The following ZNF510 variants were observed in gnomAD, a reference collection of about 807,000 sequenced individuals.
The protein encoded by ZNF510 is zinc finger protein 510.
ZNF510 carries 15 observed loss-of-function variants against 18.1 expected under a neutral mutation model. The ratio of observed to expected loss-of-function variants is 0.83; its 90% CI spans 0.55 to 1.28. The LOEUF is 1.28. ZNF510 is among the 50% of genes most tolerant of loss of function. The probability of loss-of-function intolerance (pLI) is 0.00; values close to 1 mark genes in which losing one functional copy is unlikely to be tolerated. For synonymous variants in ZNF510, 261 were observed against 266.4 expected, an observed-to-expected ratio of 0.98 and a Z score of 0.20; for missense variants, 724 against 791.8, an observed-to-expected ratio of 0.91 and a Z score of 1.03.
chr9:96,766,475 T>C (rs543200541), intron 3 of ZNF510, among the ~76,000 whole-genome samples: 2 of 152,210 alleles, frequency 1.3e-5, no homozygotes, highest in African/African-American at 4.8e-5. Context: ...GCTGCAGAGT[T>C]TGGTAGATGC....
intron 2 of ZNF510, among the ~76,000 whole-genome samples, 177 bp from the exon 3 acceptor site, chr9:96,775,023 T>C (rs77050325): frequency 6.6e-6 from 1 of 151,772 alleles, no homozygotes. Context: ...ATCTTTAATA[T>C]GATCATGTGG....
intron 3 of ZNF510, among the ~76,000 whole-genome samples, chr9:96,765,283 T>C (rs1245513909): frequency 2.0e-5 from 3 of 152,210 alleles, no homozygotes; most frequent in African/African-American, 2.4e-5. Context: ...ATTCACACAC[T>C]AAAATTATTT....
At position 96,759,202 on chromosome 9, in the gene ZNF510, G is replaced by C. The variant is rs141487263; in HGVS notation, c.1628C>G (p.Thr543Ser). 5.7e-5 allele frequency: 92 copies of C among 1,614,028 alleles called. 1 individual carries two copies. The African/African-American group carries it at 1.0e-3, about 18-fold the overall frequency. ...IHQRTHTGEKTYQCNECEKSF... is the reference protein window; with the variant it reads ...IHQRTHTGEKSYQCNECEKSF... ...TTTTTCACATTCATTACACTGGTAA[G>C]TTTTCTCCCCAGTGTGAGTTCTCTG... Residue 543 changes from threonine (T) to serine (S), a missense_variant, in exon 6 of 6, where the codon ACT becomes AGT. Thr to Ser is a moderately conservative substitution (Grantham distance 58). Transcript: ENST00000223428.
Position 96,758,861 on chromosome 9 carries a change from C to A in ZNF510, c.1969G>T (p.Glu657Ter), listed in dbSNP as rs369097060. Residue 657 changes from glutamate to a stop codon, truncating the protein, a stop_gained, in exon 6 of 6, where the codon GAA becomes TAA. Coordinates refer to ENST00000223428, the MANE Select transcript of ZNF510 (RefSeq NM_014930.3). LOFTEE classifies it low-confidence loss of function (END_TRUNC). ...QRTHSGEKSYECNEYGKLCKK... is the reference protein window; with the variant it reads ...QRTHSGEKSY Reference sequence around the variant, plus strand: ...CATAATTTCCCATATTCATTGCATTCATAAGATTTCTCCCCACTGTGAGTC... The same window carrying A: ...CATAATTTCCCATATTCATTGCATTAATAAGATTTCTCCCCACTGTGAGTC... 4.6e-5 allele frequency: 75 copies of A among 1,613,990 alleles called. No homozygotes were observed. In the African/African-American group the frequency reaches 9.5e-4, roughly 20 times the overall value.
intron 3 of ZNF510, among the ~76,000 whole-genome samples, chr9:96,773,452 C>A (rs1849624945): frequency 6.6e-6 from 1 of 152,078 alleles, no homozygotes. Flanking sequence ...TTTCTCAATT[C>A]CTTACAGGAA....
chr9:96,768,257 G>C (rs7045866), intron 3 of ZNF510, among the ~76,000 whole-genome samples: 9,019 of 151,724 alleles, frequency 0.059, 873 homozygotes, highest in African/African-American at 0.21. Flanking sequence ...ACAGCTAACA[G>C]AATACGCTAG....
chr9:96,760,595 GATGT>G, intron 5 of ZNF510, 118 bp from the exon 6 acceptor site: 2 of 933,028 alleles, frequency 2.1e-6, no homozygotes, highest in Admixed American at 2.8e-5. Context: ...AAATAATTCA[GATGT>G]ATGTGTGTGT....
In ZNF510 at chr9:96,760,174, G is replaced by A; in HGVS notation, c.656C>T (p.Thr219Ile). Residue 219 changes from threonine (T) to isoleucine (I), a missense_variant, in exon 6 of 6, where the codon ACT becomes ATT. Thr to Ile is a moderately conservative substitution (Grantham distance 89). Coordinates refer to ENST00000223428, the MANE Select transcript of ZNF510 (RefSeq NM_014930.3). The stretch of plus-strand genomic sequence containing the variant: ...TTCATAAAATTTCTCTCCAGTCTGA[G>A]TTTTCTCAAAGTTAATTTTGAAAGG... The part of the protein sequence containing the change: ...NSPFKINFEK[T>I]QTGEKFYEHN... The A allele has an allele frequency of 6.2e-7, 1 of 1,612,984 alleles. No individual in the cohort carries two copies. Among genetic ancestry groups the A allele is most frequent in the Non-Finnish European group, 8.5e-7 (1 of 1,179,614 alleles).
In ZNF510 at chr9:96,778,075, G is replaced by A. The variant is rs2118097205; in HGVS notation, c.-218C>T. On this transcript the variant is annotated 5_prime_UTR_variant, in exon 1 of 6. Coordinates refer to ENST00000223428, the MANE Select transcript of ZNF510 (RefSeq NM_014930.3). ...CTGCACCAGCAAACACTAACAGGGA[G>A]AAGCCGGAAAGTGGGGTTGACTGCA... 1 of 152,424 alleles carries A rather than the reference G, an allele frequency of 6.6e-6. No individual in the cohort carries two copies. The highest frequency in any genetic ancestry group is 1.9e-4 in the East Asian group (1 of 5,190). The allele number at this position is 152,424 out of a possible 1,614,324, so 9.4% of individuals were successfully genotyped here. A position where few individuals can be genotyped will look rare whatever the true frequency, so the allele number is the denominator to read the frequency against.
At chr9:96,762,974 A>C in intron 5 of ZNF510, 144 bp downstream of exon 5, 2 of 643,208 alleles carry the variant, frequency 3.1e-6, no homozygotes, top group Non-Finnish European at 5.6e-6. Flanking sequence ...AATCAACTTT[A>C]TTAATTATTT....
At position 96,756,389 on chromosome 9, in the gene ZNF510, A is replaced by G. The variant is rs1252690356; in HGVS notation, c.*2389T>C. The G allele has an allele frequency of 6.6e-6, 1 of 151,068 alleles. No individual in the cohort carries two copies. Among genetic ancestry groups the G allele is most frequent in the African/African-American group, 2.5e-5 (1 of 40,382 alleles). 9.4% of individuals were successfully genotyped at this position (151,068 alleles called of 1,614,324 possible). Reference sequence around the variant, plus strand: ...AAGCATCAGTGAGCCAGGCCCAATTACAGTAACCTCTATGAATTGAGGGCT... The same window carrying G: ...AAGCATCAGTGAGCCAGGCCCAATTGCAGTAACCTCTATGAATTGAGGGCT... On this transcript the variant is annotated 3_prime_UTR_variant, in exon 6 of 6. Transcript: ENST00000223428.
rs764798111 is a variant in ZNF510, at chr9:96,759,585, C to T, written c.1245G>A (p.Gln415=). 2.5e-6 allele frequency: 4 copies of T among 1,614,054 alleles called. No homozygotes were observed. The Admixed American group carries it at 6.7e-5, about 27-fold the overall frequency. Residue 415 remains glutamine, a synonymous_variant, in exon 6 of 6, where the codon CAG becomes CAA. Transcript: ENST00000223428. The stretch of plus-strand genomic sequence containing the variant: ...TCTGATGTTGAATGAGATGTCCTTT[C>T]TGACAGAAGGATTTCCCACATTCAT... The part of the protein sequence containing the change: ...KCNECGKSFC[Q]KGHLIQHQRT...
intron 3 of ZNF510, 134 bp from the exon 4 acceptor site, chr9:96,763,766 A>G: frequency 1.1e-6 from 1 of 904,572 alleles, no homozygotes; most frequent in South Asian, 2.4e-5. Flanking sequence ...TTTTGAATCT[A>G]ATTTAATCTT....
chr9:96,767,553 C>T (rs990360684), intron 3 of ZNF510, among the ~76,000 whole-genome samples: 9 of 151,412 alleles, frequency 5.9e-5, no homozygotes, highest in African/African-American at 2.2e-4. Flanking sequence ...GACCTTACTA[C>T]TAACCTTACA....
In ZNF510 at chr9:96,763,434, C is replaced by T. The variant is rs556784772; in HGVS notation, c.256+72G>A. ...ATTTAAACTTTAAGTAAATTGTTCA[C>T]ATGTATTGGCACTTAAAAAAGAAAT... is the stretch of plus-strand genomic sequence containing the variant. On this transcript the variant is annotated intron_variant, in intron 4 of 5. Coordinates refer to ENST00000223428, the MANE Select transcript of ZNF510 (RefSeq NM_014930.3). 6.6e-5 allele frequency: 99 copies of T among 1,502,490 alleles called. 1 individual carries two copies. The Middle Eastern group carries it at 9.1e-4, about 14-fold the overall frequency. The allele number at this position is 1,502,490 out of a possible 1,614,324, so 93.1% of individuals were successfully genotyped here. A position where few individuals can be genotyped will look rare whatever the true frequency, so the allele number is the denominator to read the frequency against.
chr9:96,763,749 A>G, intron 3 of ZNF510, 117 bp from the exon 4 acceptor site: 5 of 1,025,370 alleles, frequency 4.9e-6, no homozygotes, highest in Non-Finnish European at 5.4e-6. Flanking sequence ...AATGTAAAGG[A>G]TGCCTATTTT....
In ZNF510 at chr9:96,758,133, T is replaced by C. The variant is rs1313737872; in HGVS notation, c.*645A>G. 2.0e-5 allele frequency: 3 copies of C among 152,372 alleles called. No individual in the cohort carries two copies. Among genetic ancestry groups the C allele is most frequent in the South Asian group, 4.1e-4 (2 of 4,828 alleles). 9.4% of individuals were successfully genotyped at this position (152,372 alleles called of 1,614,324 possible). A position where few individuals can be genotyped will look rare whatever the true frequency, so the allele number is the denominator to read the frequency against. On this transcript the variant is annotated 3_prime_UTR_variant, in exon 6 of 6. Coordinates refer to ENST00000223428, the MANE Select transcript of ZNF510 (RefSeq NM_014930.3). ...GAAAATACAGATAAGGGGGGACTACTGTATAAGCTTAAATTTTGCTCACAT... is the reference window on the plus strand; with the variant it reads ...GAAAATACAGATAAGGGGGGACTACCGTATAAGCTTAAATTTTGCTCACAT...
In ZNF510 at chr9:96,759,108, A is replaced by C; in HGVS notation, c.1722T>G (p.Cys574Trp). ...KTHTGEKPFKCNECGKTFART... is the reference protein window; with the variant it reads ...KTHTGEKPFKWNECGKTFART... Reference sequence around the variant, plus strand: ...GGGCAAAAGTTTTCCCACATTCGTTACATTTGAATGGTTTCTCTCCCGTGT... The same window carrying C: ...GGGCAAAAGTTTTCCCACATTCGTTCCATTTGAATGGTTTCTCTCCCGTGT... Residue 574 changes from cysteine (C) to tryptophan (W), a missense_variant, in exon 6 of 6, where the codon TGT (cysteine) becomes TGG (tryptophan). Cys to Trp is a radical substitution (Grantham distance 215, BLOSUM62 -2). Coordinates refer to ENST00000223428, the MANE Select transcript of ZNF510 (RefSeq NM_014930.3). 1 of 1,614,016 alleles carries C rather than the reference A, an allele frequency of 6.2e-7. No individual in the cohort carries two copies. Among genetic ancestry groups the C allele is most frequent in the Non-Finnish European group, 8.5e-7 (1 of 1,179,974 alleles).
rs148396324 is a variant in ZNF510, at chr9:96,759,565, T to C, written c.1265A>G (p.His422Arg). ...SFCQKGHLIQ[H>R]QRTHTGEKPF... is the part of the protein sequence containing the mutation. ...TTTCTCTCCTGTGTGAGTTCTCTGA[T>C]GTTGAATGAGATGTCCTTTCTGACA... The change falls in exon 6 of 6, where the codon CAT becomes CGT. Residue 422 changes from histidine to arginine, a missense_variant. His to Arg is a conservative substitution (Grantham distance 29). Transcript: ENST00000223428. 6.2e-7 allele frequency: 1 copy of C among 1,614,038 alleles called. No homozygotes were observed. The highest frequency in any genetic ancestry group is 1.3e-5 in the African/African-American group (1 of 74,950).
Sources: gnomAD v4.1 joint callset for allele counts (sites outside exome capture counted in the v4.1 genomes callset) on GRCh38, gnomAD v4.1.1 for gene constraint, MANE v1.5 for transcripts, NCBI Gene and HGNC (gene_info 2026-07-23, HGNC 2026-07-21) for gene names.